The following ENOX2 variants were observed in gnomAD, a reference collection of about 807,000 sequenced individuals.
ENOX2 encodes the protein ecto-NOX disulfide-thiol exchanger 2, also known as APK1 antigen.
In ENOX2, 36 loss-of-function variants were observed where a neutral mutation model predicts 45.0. The ratio of observed to expected loss-of-function variants is 0.80; its 90% CI spans 0.61 to 1.06. ENOX2 has a LOEUF of 1.06. Among genes scored for constraint, ENOX2 ranks in the 50% least tolerant of loss-of-function variants. ENOX2 has a pLI of 0.00. For synonymous variants in ENOX2, 174 were observed against 152.3 expected (o/e 1.14, Z -1.05); for missense variants, 423 against 462.5 (o/e 0.91, Z 0.78).
intron 3 of ENOX2, among the ~76,000 whole-genome samples, chrX:130,742,630 T>C (rs1293373687): frequency 3.6e-5 from 4 of 111,851 alleles, no homozygotes; most frequent in African/African-American, 1.3e-4. Flanking sequence ...CCACCCTTTA[T>C]TGAGTGTATT....
At chrX:130,796,355 G>C (rs945849026) in intron 2 of ENOX2, among the ~76,000 whole-genome samples, 2 of 111,457 alleles carry the variant, frequency 1.8e-5, no homozygotes, top group African/African-American at 6.5e-5. Flanking sequence ...ATGAGAAAAA[G>C]CACAGTCCAA....
chrX:130,829,056 A>G (rs1399234879), intron 2 of ENOX2, among the ~76,000 whole-genome samples: 2 of 111,795 alleles, frequency 1.8e-5, no homozygotes, highest in Non-Finnish European at 3.8e-5. Flanking sequence ...TAGCCCTTCT[A>G]GCCTCACCCC....
At chrX:130,659,952 G>C (rs1274828765) in intron 9 of ENOX2, among the ~76,000 whole-genome samples, 1 of 112,171 alleles carries the variant, frequency 8.9e-6, no homozygotes, top group Non-Finnish European at 1.9e-5. Context: ...ATGTGATACA[G>C]CTTATCTAGT....
intron 2 of ENOX2, among the ~76,000 whole-genome samples, chrX:130,810,471 C>A (rs1390309014): frequency 8.9e-6 from 1 of 111,865 alleles, no homozygotes; most frequent in Non-Finnish European, 1.9e-5. Flanking sequence ...CAGGCCAACA[C>A]TCCTGGATAT....
chrX:130,836,939 C>A (rs2148495221), intron 2 of ENOX2, among the ~76,000 whole-genome samples: 1 of 111,618 alleles, frequency 9.0e-6, no homozygotes, highest in African/African-American at 3.3e-5. Flanking sequence ...TCTAGGTGAG[C>A]ATTTTATATG....
At chrX:130,879,539 T>C in intron 2 of ENOX2, among the ~76,000 whole-genome samples, 1 of 109,397 alleles carries the variant, frequency 9.1e-6, no homozygotes, top group South Asian at 4.1e-4. Context: ...CACAATTATG[T>C]GTATAAGTAA....
intron 10 of ENOX2, among the ~76,000 whole-genome samples, chrX:130,650,026 T>C (rs1024841608): frequency 2.0e-4 from 23 of 112,336 alleles, no homozygotes; most frequent in Non-Finnish European, 1.9e-5. Flanking sequence ...CAATTATTAA[T>C]TTCTGTTTTG....
intron 2 of ENOX2, among the ~76,000 whole-genome samples, chrX:130,851,480 T>G (rs1322966835): frequency 1.8e-5 from 2 of 110,340 alleles, no homozygotes; most frequent in Admixed American, 1.9e-4. Context: ...CCTTTTTTTT[T>G]TATTATACTT....
At chrX:130,828,960 A>G (rs2077770329) in intron 2 of ENOX2, among the ~76,000 whole-genome samples, 1 of 111,675 alleles carries the variant, frequency 9.0e-6, no homozygotes, top group Non-Finnish European at 1.9e-5. Flanking sequence ...ATGGCATTCA[A>G]CTCAAAAGGA....
At chrX:130,797,577 G>A (rs1415038107) in intron 2 of ENOX2, among the ~76,000 whole-genome samples, 1 of 110,766 alleles carries the variant, frequency 9.0e-6, no homozygotes, top group Non-Finnish European at 1.9e-5. Context: ...AAATTTACAG[G>A]CTCAGAATTT....
intron 2 of ENOX2, among the ~76,000 whole-genome samples, chrX:130,786,648 G>A (rs2076974818): frequency 1.1e-5 from 1 of 94,663 alleles, no homozygotes; most frequent in Non-Finnish European, 2.1e-5. Context: ...GTGAGAATAT[G>A]CGGTGTTTGG....
In ENOX2 at chrX:130,688,896, AG is replaced by A; in HGVS notation, c.219del (p.Cys74ValfsTer119). The stretch of plus-strand genomic sequence containing the variant: ...GGAGGGAAGAGCGTGCAGCTTTTAC[AG>A]TGTATGATCTCTTTTACTACTGGCA... ...PDMPVVKEII[H>X]CKSCTLFPPN... On this transcript the variant is annotated frameshift_variant, in exon 5 of 15. Coordinates refer to ENST00000394363, the MANE Select transcript of ENOX2 (RefSeq NM_006375.4). LOFTEE classifies it high-confidence loss of function. 1 of 1,201,614 alleles carries A rather than the reference AG, an allele frequency of 8.3e-7. No homozygotes were observed. The highest frequency in any genetic ancestry group is 1.1e-6 in the Non-Finnish European group (1 of 887,719).
intron 2 of ENOX2, among the ~76,000 whole-genome samples, chrX:130,853,100 T>C (rs1191028093): frequency 9.1e-6 from 1 of 109,788 alleles, no homozygotes; most frequent in Non-Finnish European, 1.9e-5. Context: ...ATTTTTTTTT[T>C]ACTATATATA....
At chrX:130,821,741 T>TAAAAAAAAAAAAAA (rs1569505783) in intron 2 of ENOX2, among the ~76,000 whole-genome samples, 2 of 24,209 alleles carry the variant, frequency 8.3e-5, no homozygotes, top group Non-Finnish European at 1.5e-4. Context: ...AATAAATAAA[T>TAAAAAAAAAAAAAA]TAAAAAAAAA....
At chrX:130,738,436 G>C (rs1199999823) in intron 3 of ENOX2, among the ~76,000 whole-genome samples, 1 of 112,006 alleles carries the variant, frequency 8.9e-6, no homozygotes, top group Non-Finnish European at 1.9e-5. Flanking sequence ...AAGAAATATG[G>C]AGACTTGGGA....
At position 130,631,567 on chromosome X, in the gene ENOX2, C is replaced by G. The variant is rs1429379988; in HGVS notation, c.1429G>C (p.Ala477Pro). Residue 477 changes from alanine to proline, a missense_variant, in exon 13 of 15, where the codon GCT (alanine) becomes CCT (proline). Physicochemically the swap from Ala to Pro is conservative, Grantham distance 27 (BLOSUM62 -1). Around this residue, in one of 5 missense-constraint regions of ENOX2, gnomAD observed 108 missense variants for 70.6 expected, o/e 1.53. Coordinates refer to ENST00000394363, the MANE Select transcript of ENOX2 (RefSeq NM_006375.4). Reference sequence around the variant, plus strand: ...TGGTTTGAGGCACACAGCCTAGAAGCACAGCTTTCCTGTGGACACAACATG... The same window carrying G: ...TGGTTTGAGGCACACAGCCTAGAAGGACAGCTTTCCTGTGGACACAACATG... ...LENLKEKESC[A>P]SRLCASNQDS... 3 of 1,176,258 alleles carry G rather than the reference C, an allele frequency of 2.6e-6. No individual in the cohort carries two copies. In the South Asian group the frequency reaches 5.3e-5, roughly 21 times the overall value.
chrX:130,868,857 T>C (rs144671357), intron 2 of ENOX2, among the ~76,000 whole-genome samples: 1,751 of 111,559 alleles, frequency 0.016, 20 homozygotes, highest in Non-Finnish European at 0.025. Context: ...ATCTAGGGTA[T>C]TGATACCTCT....
chrX:130,707,960 TTATC>T (rs1477161082), intron 3 of ENOX2, among the ~76,000 whole-genome samples: 6 of 112,105 alleles, frequency 5.4e-5, no homozygotes, highest in African/African-American at 1.9e-4. Context: ...TCACTGAACA[TTATC>T]TATGTGTCAG....
At chrX:130,772,244 C>G (rs1369738836) in intron 3 of ENOX2, among the ~76,000 whole-genome samples, 1 of 112,193 alleles carries the variant, frequency 8.9e-6, no homozygotes, top group African/African-American at 3.2e-5. Context: ...GTAGTCCTCT[C>G]TGCACACCTA....
Sources: allele counts gnomAD v4.1 joint callset (sites outside exome capture counted in the v4.1 genomes callset), GRCh38; gene constraint gnomAD v4.1.1; regional missense constraint gnomAD v4.1.1; transcripts MANE v1.5; gene names NCBI Gene and HGNC (gene_info 2026-07-23, HGNC 2026-07-21).